The following GNG2 variants were observed in gnomAD, a reference collection of about 807,000 sequenced individuals.
The protein encoded by GNG2 is G protein subunit gamma 2.
GNG2 carries 5 observed loss-of-function variants against 5.5 expected under a neutral mutation model. The ratio of observed to expected loss-of-function variants is 0.91; its 90% CI spans 0.48 to 1.92. The LOEUF (loss-of-function observed/expected upper bound fraction) is 1.92. Among genes scored for constraint, GNG2 ranks in the 30% most tolerant of loss-of-function variants. The probability of loss-of-function intolerance (pLI) is 0.01; values close to 1 mark genes in which losing one functional copy is unlikely to be tolerated. For synonymous variants in GNG2, 28 were observed against 32.0 expected, an observed-to-expected ratio of 0.88 and a Z score of 0.42; for missense variants, 55 against 88.4, an observed-to-expected ratio of 0.62 and a Z score of 1.52.
intron 2 of GNG2, among the ~76,000 whole-genome samples, chr14:51,920,965 A>G (rs962623448): frequency 3.3e-5 from 5 of 152,174 alleles, no homozygotes; most frequent in African/African-American, 1.2e-4. Context: ...TTCTGCTGCA[A>G]ACATTGCCAA....
chr14:51,940,401 C>G (rs1888248708), intron 2 of GNG2: 1 of 152,280 alleles, frequency 6.6e-6, no homozygotes, highest in South Asian at 2.1e-4. Context: ...TATTCCATAC[C>G]CTTTATCTCC....
chr14:51,854,673 T>G (rs754159472), intron 2 of GNG2, among the ~76,000 whole-genome samples: 34 of 151,816 alleles, frequency 2.2e-4, no homozygotes, highest in Non-Finnish European at 4.7e-4. Flanking sequence ...CCACCACGCC[T>G]GGCTAATTTT....
chr14:51,826,720 ACTTG>A (rs1308903444), intron 1 of GNG2, among the ~76,000 whole-genome samples: 1 of 152,186 alleles, frequency 6.6e-6, no homozygotes, highest in Non-Finnish European at 1.5e-5. Context: ...AAGAAATCAC[ACTTG>A]ATGGGACCAA....
intron 2 of GNG2, among the ~76,000 whole-genome samples, chr14:51,936,342 C>T (rs779876042): frequency 1.3e-5 from 2 of 152,114 alleles, no homozygotes; most frequent in African/African-American, 2.4e-5. Flanking sequence ...CTTGGAAGTG[C>T]TCTTGGTACC....
In GNG2 at chr14:51,950,766, G is replaced by A. The variant is rs1376841699; in HGVS notation, c.87+1G>A. ...GGAAGCCAATATCGACAGGATAAAG[G>A]TGAGGATGGTCTAACCCCACACTTC... is the stretch of plus-strand genomic sequence containing the variant. On this transcript the variant is annotated splice_donor_variant, in intron 3 of 3. Transcript: ENST00000556766. LOFTEE classifies it high-confidence loss of function. 1 of 1,589,122 alleles carries A rather than the reference G, an allele frequency of 6.3e-7. No individual in the cohort carries two copies. Among genetic ancestry groups the A allele is most frequent in the Non-Finnish European group, 8.6e-7 (1 of 1,165,270 alleles).
rs552019421 is a variant in GNG2 at position 51,837,506 on chromosome 14, G to A, written c.64+9699G>A. 8.5e-5 allele frequency among the ~76,000 whole-genome samples: 13 copies of A among 152,172 alleles called. No homozygotes were observed. The South Asian group carries it at 2.7e-3, about 32-fold the overall frequency. On this transcript the variant is annotated intron_variant, in intron 2 of 3. Transcript: ENST00000553432. ...TTAAAAATACAAAAATATTAGCCAT[G>A]TGTGGGGTCGCATGCCTGTAGTTTC...
At chr14:51,862,409 T>C (rs1381278991) in intron 1 of GNG2, among the ~76,000 whole-genome samples, 1 of 152,242 alleles carries the variant, frequency 6.6e-6, no homozygotes, top group Non-Finnish European at 1.5e-5. Flanking sequence ...AAAGATCATC[T>C]TCTTAGAGAA....
chr14:51,862,807 G>C (rs940916738), intron 1 of GNG2, among the ~76,000 whole-genome samples: 1 of 152,226 alleles, frequency 6.6e-6, no homozygotes, highest in Non-Finnish European at 1.5e-5. Context: ...GTGAGTAACA[G>C]CAGATCAGTA....
At chr14:51,884,139 T>C (rs1884285807) in intron 2 of GNG2, among the ~76,000 whole-genome samples, 1 of 152,200 alleles carries the variant, frequency 6.6e-6, no homozygotes, top group African/African-American at 2.4e-5. Context: ...CATTGAACCA[T>C]CTGTTCATAA....
chr14:51,921,204 C>T (rs1228678021), intron 2 of GNG2, among the ~76,000 whole-genome samples: 1 of 152,182 alleles, frequency 6.6e-6, no homozygotes, highest in Non-Finnish European at 1.5e-5. Flanking sequence ...CATTTCTTAA[C>T]TTCTCTGTGC....
intron 3 of GNG2, among the ~76,000 whole-genome samples, chr14:51,955,266 T>C (rs1300365597): frequency 6.6e-6 from 1 of 152,178 alleles, no homozygotes; most frequent in African/African-American, 2.4e-5. Context: ...ACCTCTCTGG[T>C]TATTCTGGGT....
rs1441889479 is a variant in GNG2, at chr14:51,935,021, CTTTCTTT to C, written c.-29-15625_-29-15619del. ...ATAGGTGGAAATTCCAGCCCAGTTT[CTTTCTTT>C]TTTTTTTTTTTTTGGAGACGGAGTC... On this transcript the variant is annotated intron_variant, in intron 2 of 3. Coordinates refer to ENST00000556766, the MANE Select transcript of GNG2 (RefSeq NM_053064.5). Among the ~76,000 whole-genome samples the C allele has an allele frequency of 1.3e-4, 14 of 111,300 alleles. 1 individual carries two copies. The highest frequency in any genetic ancestry group is 8.3e-4 in the Admixed American group (9 of 10,796). 73.0% of individuals were successfully genotyped at this position (111,300 alleles called of 152,430 possible).
intron 2 of GNG2, among the ~76,000 whole-genome samples, chr14:51,942,855 T>C (rs1385560109): frequency 6.6e-6 from 1 of 152,116 alleles, no homozygotes; most frequent in East Asian, 1.9e-4. Context: ...ATGGTTGCCA[T>C]GTGACCCAGT....
intron 2 of GNG2, among the ~76,000 whole-genome samples, chr14:51,888,980 A>G (rs1594880043): frequency 6.6e-6 from 1 of 152,244 alleles, no homozygotes; most frequent in East Asian, 1.9e-4. Flanking sequence ...GCTACATATT[A>G]TATGATCCCA....
chr14:51,835,956 A>T (rs1041726467), intron 2 of GNG2, among the ~76,000 whole-genome samples: 1 of 151,938 alleles, frequency 6.6e-6, no homozygotes, highest in African/African-American at 2.4e-5. Context: ...TAGGTGTCTT[A>T]GTTCGGGATG....
At chr14:51,920,137 T>C (rs1183462289) in intron 2 of GNG2, among the ~76,000 whole-genome samples, 1 of 152,056 alleles carries the variant, frequency 6.6e-6, no homozygotes, top group African/African-American at 2.4e-5. Context: ...AAAAATATGG[T>C]ATTTGTGGGA....
Position 51,853,308 on chromosome 14 carries a change from G to A in GNG2, c.64+25501G>A, listed in dbSNP as rs548712223. The stretch of plus-strand genomic sequence containing the variant: ...TAGCCCTTGCCCTCAGGGAGTGGCA[G>A]GTCTAGTTATCACACTCTAGTGGAC... On this transcript the variant is annotated intron_variant, in intron 2 of 3. Coordinates refer to the GNG2 transcript ENST00000553432. 6.6e-5 allele frequency among the ~76,000 whole-genome samples: 10 copies of A among 152,272 alleles called. No homozygotes were observed. In the East Asian group the frequency reaches 1.7e-3, roughly 26 times the overall value.
At chr14:51,933,684 A>G (rs1309558044) in intron 2 of GNG2, among the ~76,000 whole-genome samples, 1 of 152,222 alleles carries the variant, frequency 6.6e-6, no homozygotes, top group Non-Finnish European at 1.5e-5. Context: ...GGGCTGCCCT[A>G]AGACAGGGGC....
intron 1 of GNG2, among the ~76,000 whole-genome samples, chr14:51,874,424 C>CAAAAA (rs71121671): frequency 4.2e-5 from 4 of 95,756 alleles, no homozygotes; most frequent in African/African-American, 7.5e-5. Flanking sequence ...GACTCTGTCT[C>CAAAAA]AAAAAAAAAA....
Sources: allele counts gnomAD v4.1 joint callset (sites outside exome capture counted in the v4.1 genomes callset), GRCh38; gene constraint gnomAD v4.1.1; transcripts MANE v1.5; gene names NCBI Gene and HGNC (gene_info 2026-07-23, HGNC 2026-07-21).